The following CACNA2D4 variants were observed in gnomAD, a reference collection of about 807,000 sequenced individuals.
CACNA2D4 encodes calcium voltage-gated channel auxiliary subunit alpha2delta 4.
Under a neutral mutation model 163.8 loss-of-function variants are expected in CACNA2D4, and 157 were observed. The ratio of observed to expected loss-of-function variants is 0.96; its 90% CI spans 0.84 to 1.09. CACNA2D4 has a LOEUF of 1.09. Among genes scored for constraint, CACNA2D4 ranks in the 50% least tolerant of loss-of-function variants. The pLI is 0.00. For missense variants in CACNA2D4, 1,410 were observed against 1,479.9 expected, an observed-to-expected ratio of 0.95 and a Z score of 0.78; for synonymous variants, 598 against 586.9, an observed-to-expected ratio of 1.02 and a Z score of -0.27.
chr12:1,818,835 A>G (rs1863980549), intron 26 of CACNA2D4, among the ~76,000 whole-genome samples: 1 of 148,912 alleles, frequency 6.7e-6, no homozygotes, highest in Non-Finnish European at 1.5e-5. Flanking sequence ...TCAAGTACCC[A>G]GGGACACAAA....
intron 1 of CACNA2D4, among the ~76,000 whole-genome samples, chr12:1,915,442 C>T (rs771093014): frequency 1.6e-4 from 25 of 152,164 alleles, no homozygotes; most frequent in Non-Finnish European, 3.4e-4. Context: ...CAGGCCAGGG[C>T]CGGAGGACCC....
intron 26 of CACNA2D4, among the ~76,000 whole-genome samples, chr12:1,816,708 T>TG (rs764305753): frequency 4.6e-5 from 7 of 152,250 alleles, no homozygotes; most frequent in Non-Finnish European, 8.8e-5. Context: ...GGTGCTGCTG[T>TG]GTCATCACAG....
rs778535256 is a variant in CACNA2D4, at chr12:1,810,325, C to T, written c.2674G>A (p.Val892Ile). 54 of 1,613,900 alleles carry T rather than the reference C, an allele frequency of 3.3e-5. 1 individual carries two copies. The South Asian group carries it at 4.1e-4, about 12-fold the overall frequency. ...AGAATGAACCCGTTGTTGTCGATGA[C>T]GAAGCAGTCCAGATCCTGGGAGGAA... ...SCEDSDLDCF[V>I]IDNNGFILIS... Residue 892 changes from valine (V) to isoleucine (I), a missense_variant, in exon 29 of 38, where the codon GTC becomes ATC. By Grantham distance (29) the Val-to-Ile change is conservative. Coordinates refer to ENST00000382722, the MANE Select transcript of CACNA2D4 (RefSeq NM_172364.5).
At chr12:1,825,431 T>C (rs563120783) in intron 26 of CACNA2D4, among the ~76,000 whole-genome samples, 11 of 152,226 alleles carry the variant, frequency 7.2e-5, no homozygotes, top group African/African-American at 2.4e-4. Flanking sequence ...GGAGGTGTCT[T>C]ATGGGTTAGG....
rs1426742087 is a variant in CACNA2D4, at chr12:1,884,967, G to C, written c.1158+20C>G. On this transcript the variant is annotated intron_variant, in intron 10 of 37. Coordinates refer to ENST00000382722, the MANE Select transcript of CACNA2D4 (RefSeq NM_172364.5). ...CCTTCCTCCCAGTCCTCCCCTCCCA[G>C]GCCTCATTACAGTGGGCACCTGCTT... 6.2e-7 allele frequency: 1 copy of C among 1,610,430 alleles called. No homozygotes were observed. Among genetic ancestry groups the C allele is most frequent in the East Asian group, 2.2e-5 (1 of 44,866 alleles).
chr12:1,883,983 C>T lies in CACNA2D4; in HGVS notation c.1351+260G>A, dbSNP rs553565448. The T allele has an allele frequency of 2.0e-4, 96 of 485,810 alleles. No individual in the cohort carries two copies. Among genetic ancestry groups the T allele is most frequent in the Middle Eastern group, 1.6e-3 (3 of 1,890 alleles). 30.1% of individuals were successfully genotyped at this position (485,810 alleles called of 1,614,324 possible). On this transcript the variant is annotated intron_variant, in intron 12 of 37. Coordinates refer to ENST00000382722, the MANE Select transcript of CACNA2D4 (RefSeq NM_172364.5). This position sits in a 1 kb window ranked among gnomAD's most constrained non-coding sequence, Gnocchi z 4.5. ...TTCCAGAGAAAACAGTGACCCTCTG[C>T]TTTTTGTCTGGGAGCAGAACCAGAG...
intron 7 of CACNA2D4, among the ~76,000 whole-genome samples, chr12:1,886,723 A>T (rs1423867539): frequency 6.6e-6 from 1 of 152,180 alleles, no homozygotes; most frequent in African/African-American, 2.4e-5. Flanking sequence ...AGGGGTGTGG[A>T]AGGAGAGGAG....
Position 1,875,168 on chromosome 12 carries a change from CAA to C in CACNA2D4, c.1806+81_1806+82del. On this transcript the variant is annotated intron_variant, in intron 17 of 37. Coordinates refer to ENST00000382722, the MANE Select transcript of CACNA2D4 (RefSeq NM_172364.5). This position sits in a 1 kb window ranked among gnomAD's most constrained non-coding sequence, Gnocchi z 4.0. ...CTGCCTGACAGGAACAGAGTGACCTCAAAGCTCACAGCCACACAGCTGACCCA... is the reference window on the plus strand; with the variant it reads ...CTGCCTGACAGGAACAGAGTGACCTCAGCTCACAGCCACACAGCTGACCCA... 1 of 980,420 alleles carries C rather than the reference CAA, an allele frequency of 1.0e-6. No homozygotes were observed. Among genetic ancestry groups the C allele is most frequent in the Non-Finnish European group, 1.6e-6 (1 of 609,488 alleles). The allele number at this position is 980,420 out of a possible 1,614,324, so 60.7% of individuals were successfully genotyped here. A position where few individuals can be genotyped will look rare whatever the true frequency, so the allele number is the denominator to read the frequency against.
At position 1,811,737 on chromosome 12, in the gene CACNA2D4, A is replaced by G; in HGVS notation, c.2552-14T>C. Reference sequence around the variant, plus strand: ...GGACGCCCGCGGCTACAGGGCAGAAAGAGAGAGGGCAAGGCCAGGGAAGAG... The same window carrying G: ...GGACGCCCGCGGCTACAGGGCAGAAGGAGAGAGGGCAAGGCCAGGGAAGAG... On this transcript the variant is annotated splice_polypyrimidine_tract_variant and intron_variant, in intron 26 of 37. Coordinates refer to ENST00000382722, the MANE Select transcript of CACNA2D4 (RefSeq NM_172364.5). 1 of 1,558,336 alleles carries G rather than the reference A, an allele frequency of 6.4e-7. No individual in the cohort carries two copies. Among genetic ancestry groups the G allele is most frequent in the South Asian group, 1.2e-5 (1 of 84,432 alleles).
intron 26 of CACNA2D4, among the ~76,000 whole-genome samples, chr12:1,812,447 A>C (rs1863742830): frequency 6.6e-6 from 1 of 152,224 alleles, no homozygotes; most frequent in Non-Finnish European, 1.5e-5. Context: ...TCTGGGACAA[A>C]GAGCTCCAGG....
intron 5 of CACNA2D4, 52 bp downstream of exon 5, chr12:1,907,823 G>A: frequency 6.3e-7 from 1 of 1,598,142 alleles, no homozygotes; most frequent in Admixed American, 1.7e-5. Flanking sequence ...TCTGGTGGGT[G>A]TGCTAGGTGG....
intron 26 of CACNA2D4, 62 bp downstream of exon 26, chr12:1,840,677 A>T: frequency 7.1e-7 from 1 of 1,398,816 alleles, no homozygotes; most frequent in Non-Finnish European, 1.0e-6. Context: ...GCTGTGATCT[A>T]TGCCTTGCTC....
Position 1,875,073 on chromosome 12 carries a change from G to T in CACNA2D4, c.1806+178C>A, listed in dbSNP as rs1865854878. 6.6e-6 allele frequency among the ~76,000 whole-genome samples: 1 copy of T among 152,214 alleles called. No homozygotes were observed. The highest frequency in any genetic ancestry group is 2.1e-4 in the South Asian group (1 of 4,830). On this transcript the variant is annotated intron_variant, in intron 17 of 37. Transcript: ENST00000382722. This position sits in a 1 kb window ranked among gnomAD's most constrained non-coding sequence, Gnocchi z 4.0. ...AAGATATTGTTATATTTTTATAGTTGTTAAAAGAATTGCTCATTTTAGGCA... is the reference window on the plus strand; with the variant it reads ...AAGATATTGTTATATTTTTATAGTTTTTAAAAGAATTGCTCATTTTAGGCA...
rs115279947 is a variant in CACNA2D4, at chr12:1,892,445, C to G, written c.782-5376G>C. On this transcript the variant is annotated intron_variant, in intron 6 of 37. Coordinates refer to ENST00000382722, the MANE Select transcript of CACNA2D4 (RefSeq NM_172364.5). ...CTGAAAAAGAAAGGACAATATCTAC[C>G]ATGATGAAAACACATGAAAGTATAA... is the stretch of plus-strand genomic sequence containing the variant. 7.3e-3 allele frequency among the ~76,000 whole-genome samples: 1,107 copies of G among 152,174 alleles called. 13 individuals carry two copies. Among genetic ancestry groups the G allele is most frequent in the African/African-American group, 0.025 (1,045 of 41,512 alleles).
chr12:1,857,144 G>A (rs1865417805), intron 20 of CACNA2D4, among the ~76,000 whole-genome samples: 1 of 152,218 alleles, frequency 6.6e-6, no homozygotes. Context: ...TAGGGATGAT[G>A]GGGAACAGAG....
chr12:1,852,022 TTCTA>T (rs551226265), intron 23 of CACNA2D4, among the ~76,000 whole-genome samples: 2 of 152,228 alleles, frequency 1.3e-5, no homozygotes, highest in African/African-American at 2.4e-5. Context: ...TTCTCATATC[TTCTA>T]TCTTTTTTGT....
At chr12:1,838,094 G>A (rs1864923578) in intron 26 of CACNA2D4, among the ~76,000 whole-genome samples, 1 of 152,192 alleles carries the variant, frequency 6.6e-6, no homozygotes, top group South Asian at 2.1e-4. Context: ...CCTCGCCTAG[G>A]GCCTGGAGGA....
chr12:1,861,373 A>T (rs1371437188), intron 18 of CACNA2D4, among the ~76,000 whole-genome samples: 1 of 151,464 alleles, frequency 6.6e-6, no homozygotes, highest in Non-Finnish European at 1.5e-5. Context: ...GTCTTGGGGG[A>T]GTTGGGTGCC....
intron 4 of CACNA2D4, among the ~76,000 whole-genome samples, chr12:1,908,860 C>T (rs1421555682): frequency 6.9e-6 from 1 of 145,548 alleles, no homozygotes; most frequent in African/African-American, 2.6e-5. Flanking sequence ...CGGACATCCC[C>T]ACGCCAACTC....
Sources: allele counts gnomAD v4.1 joint callset (sites outside exome capture counted in the v4.1 genomes callset), GRCh38; gene constraint gnomAD v4.1.1; non-coding constraint Gnocchi (gnomAD v3.1); transcripts MANE v1.5; gene names NCBI Gene and HGNC (gene_info 2026-07-23, HGNC 2026-07-21).